TNS1: variants seen among roughly 807,000 people sequenced by gnomAD.
TNS1 encodes the protein tensin 1.
Under a neutral mutation model 168.6 loss-of-function variants are expected in TNS1, and 62 were observed. The observed-to-expected ratio is 0.37, with a 90% CI of 0.30 to 0.45. The LOEUF (loss-of-function observed/expected upper bound fraction) is 0.45. TNS1 is among the 20% of genes least tolerant of loss of function. The pLI, the probability that TNS1 is intolerant of heterozygous loss-of-function variation, is 1.00. For missense variants in TNS1, 2,240 were observed against 2,339.4 expected, an observed-to-expected ratio of 0.96 and a Z score of 0.88; for synonymous variants, 934 against 933.2, an observed-to-expected ratio of 1.00 and a Z score of -0.02.
At chr2:217,930,034 T>C (rs1009746346) in intron 3 of TNS1, among the ~76,000 whole-genome samples, 1 of 152,196 alleles carries the variant, frequency 6.6e-6, no homozygotes, top group Non-Finnish European at 1.5e-5. Context: ...AATGTCCTAA[T>C]ATGGCCATCA....
At chr2:217,907,108 A>T (rs1953803054) in intron 5 of TNS1, 102 bp downstream of exon 5, 1 of 671,544 alleles carries the variant, frequency 1.5e-6, no homozygotes, top group Non-Finnish European at 2.7e-6. Flanking sequence ...CATTTCCCCA[A>T]CCACATCTGT....
At position 217,817,731 on chromosome 2, in the gene TNS1, A is replaced by T; in HGVS notation, c.4601T>A (p.Phe1534Tyr). ...GGAGAAGTCGGGCAGAGTGTGGGAG[A>T]AGGAGACGGTGCTGCCCCCACTGGG... ...SSPSGGSTVS[F>Y]SHTLPDFSKY... The change falls in exon 24 of 33, where the codon TTC becomes TAC. Residue 1534 changes from phenylalanine to tyrosine, a missense_variant. Transcript: ENST00000682258. 1 of 1,607,986 alleles carries T rather than the reference A, an allele frequency of 6.2e-7. No individual in the cohort carries two copies.
At chr2:217,879,838 CT>C (rs1454655141) in intron 18 of TNS1, among the ~76,000 whole-genome samples, 2 of 152,108 alleles carry the variant, frequency 1.3e-5, no homozygotes, top group African/African-American at 4.8e-5. Context: ...TAACCTAGCT[CT>C]GCCATGGGAC....
intron 30 of TNS1, 122 bp downstream of exon 30, chr2:217,809,701 G>A: frequency 5.8e-6 from 6 of 1,029,888 alleles, no homozygotes; most frequent in Middle Eastern, 5.0e-4. Context: ...ATAGATGGAT[G>A]AGAAGGTAGA....
chr2:217,851,440 T>TACACACAC (rs3838563), intron 18 of TNS1, among the ~76,000 whole-genome samples: 13 of 139,838 alleles, frequency 9.3e-5, no homozygotes, highest in East Asian at 8.8e-4. Flanking sequence ...TGCATCCCTC[T>TACACACAC]ACACACACAC....
At chr2:217,982,964 G>A (rs1958092387) in intron 2 of TNS1, among the ~76,000 whole-genome samples, 2 of 152,100 alleles carry the variant, frequency 1.3e-5, no homozygotes, top group South Asian at 4.1e-4. Context: ...AAGGTATTCT[G>A]TAACAGCCCG....
intron 3 of TNS1, among the ~76,000 whole-genome samples, chr2:217,955,043 G>C (rs79803279): frequency 6.6e-6 from 1 of 152,286 alleles, no homozygotes; most frequent in African/African-American, 2.4e-5. Context: ...AGGTACCCAC[G>C]GGCTGTCTGG....
At chr2:217,929,670 C>T (rs1956214520) in intron 3 of TNS1, among the ~76,000 whole-genome samples, 5 of 147,630 alleles carry the variant, frequency 3.4e-5, no homozygotes. Flanking sequence ...CCCCCATCTC[C>T]ACCCACCACC....
chr2:217,990,845 G>A (rs937681290), intron 2 of TNS1, 97 bp downstream of exon 2: 4 of 387,836 alleles, frequency 1.0e-5, no homozygotes, highest in Non-Finnish European at 1.9e-5. Flanking sequence ...GGGACCCCAA[G>A]GATGTGTGCA....
intron 21 of TNS1, among the ~76,000 whole-genome samples, chr2:217,832,070 C>G (rs1944509996): frequency 6.6e-6 from 1 of 152,124 alleles, no homozygotes; most frequent in Non-Finnish European, 1.5e-5. Context: ...AGGACAGAGA[C>G]AGAAGGAGAT....
chr2:217,807,243 G>A (rs1360507567), intron 32 of TNS1, among the ~76,000 whole-genome samples: 1 of 152,184 alleles, frequency 6.6e-6, no homozygotes, highest in Non-Finnish European at 1.5e-5. Flanking sequence ...TAGGGCTGTT[G>A]GAATAATCCT....
At chr2:218,017,636 C>T (rs1297856308) in intron 1 of TNS1, among the ~76,000 whole-genome samples, 3 of 152,276 alleles carry the variant, frequency 2.0e-5, no homozygotes, top group Non-Finnish European at 4.4e-5. Context: ...GGCCCTGGCA[C>T]GTGTGGGCCA....
intron 32 of TNS1, among the ~76,000 whole-genome samples, chr2:217,805,900 A>C (rs1938939854): frequency 6.6e-6 from 1 of 151,432 alleles, no homozygotes; most frequent in Non-Finnish European, 1.5e-5. Context: ...ACACACACAC[A>C]CACACACACA....
At chr2:218,026,201 G>A (rs1031359525) in intron 1 of TNS1, among the ~76,000 whole-genome samples, 1 of 152,170 alleles carries the variant, frequency 6.6e-6, no homozygotes, top group Non-Finnish European at 1.5e-5. Flanking sequence ...AAGGCACAGA[G>A]AGGTTACATA....
At chr2:217,908,795 G>A (rs766141844) in intron 4 of TNS1, among the ~76,000 whole-genome samples, 14 of 152,170 alleles carry the variant, frequency 9.2e-5, no homozygotes, top group Non-Finnish European at 1.5e-4. Context: ...GGGACAACGG[G>A]GTCCAGGCAC....
chr2:217,960,163 C>T (rs576094695), intron 3 of TNS1, among the ~76,000 whole-genome samples: 5 of 152,190 alleles, frequency 3.3e-5, no homozygotes, highest in African/African-American at 1.2e-4. Context: ...GGAGTGTCCC[C>T]GACTCATTGA....
At chr2:217,810,622 C>T (rs746511181) in intron 28 of TNS1, among the ~76,000 whole-genome samples, 42 of 152,250 alleles carry the variant, frequency 2.8e-4, no homozygotes, top group African/African-American at 6.3e-4. Flanking sequence ...GGTTTTTGAG[C>T]GACTCCATGT....
chr2:217,891,015 C>G lies in TNS1; in HGVS notation c.813G>C (p.Met271Ile). Residue 271 changes from methionine to isoleucine, a missense_variant, in exon 12 of 33, where the codon ATG becomes ATC. Transcript: ENST00000682258. ...CAATCTTATCCTCATAGAACCGCTT[C>G]ATTGCAAACCGGTCCAGAGCCTGGT... ...SADQALDRFA[M>I]KRFYEDKIVP... The G allele has an allele frequency of 6.2e-7, 1 of 1,614,250 alleles. No homozygotes were observed. The highest frequency in any genetic ancestry group is 8.5e-7 in the Non-Finnish European group (1 of 1,180,052).
intron 18 of TNS1, among the ~76,000 whole-genome samples, chr2:217,879,873 C>A (rs1333675279): frequency 1.3e-5 from 2 of 152,198 alleles, no homozygotes; most frequent in African/African-American, 4.8e-5. Context: ...GATGGCACAG[C>A]CCCACCCAGG....
Sources: allele counts gnomAD v4.1 joint callset (sites outside exome capture counted in the v4.1 genomes callset), GRCh38; gene constraint gnomAD v4.1.1; transcripts MANE v1.5; gene names NCBI Gene and HGNC (gene_info 2026-07-23, HGNC 2026-07-21).